The following SUPT3H variants were observed in gnomAD, a reference collection of about 807,000 sequenced individuals.
The protein encoded by SUPT3H is transcription initiation protein SPT3 homolog.
Under a neutral mutation model 44.3 loss-of-function variants are expected in SUPT3H, and 44 were observed. The ratio of observed to expected loss-of-function variants is 0.99; its 90% confidence interval spans 0.78 to 1.28. SUPT3H has a LOEUF of 1.28. SUPT3H is among the 50% of genes most tolerant of loss of function. The pLI is 0.00. For missense variants in SUPT3H, 380 were observed against 387.1 expected (o/e 0.98, Z 0.15); for synonymous variants, 124 against 125.6 (o/e 0.99, Z 0.09).
intron 2 of SUPT3H, among the ~76,000 whole-genome samples, chr6:45,156,711 C>G (rs1468198373): frequency 1.3e-5 from 2 of 151,564 alleles, no homozygotes; most frequent in East Asian, 3.9e-4. Context: ...TTTAAAATGT[C>G]CCCATTCTAT....
intron 10 of SUPT3H, among the ~76,000 whole-genome samples, chr6:44,889,347 C>T (rs530187993): frequency 4.6e-5 from 7 of 152,268 alleles, no homozygotes; most frequent in South Asian, 2.1e-4. Context: ...GGAGGCATCA[C>T]GCTACCTGAC....
chr6:45,115,917 C>A (rs1482729192), intron 2 of SUPT3H, among the ~76,000 whole-genome samples: 1 of 152,132 alleles, frequency 6.6e-6, no homozygotes, highest in Non-Finnish European at 1.5e-5. Context: ...GGAACAGACT[C>A]ATTCCAGTAA....
At chr6:45,022,127 T>C (rs778892237) in intron 3 of SUPT3H, among the ~76,000 whole-genome samples, 1 of 152,030 alleles carries the variant, frequency 6.6e-6, no homozygotes, top group Non-Finnish European at 1.5e-5. Context: ...TATATACATT[T>C]GTCTGGACAC....
In SUPT3H at chr6:45,374,137, C is replaced by T. The variant is rs75464007; in HGVS notation, c.-1+3631G>A. ...CATTTTACTGATAAGGAAATTGAGGCTCTGATATTAATAAGTTAAATACCT... is the reference window on the plus strand; with the variant it reads ...CATTTTACTGATAAGGAAATTGAGGTTCTGATATTAATAAGTTAAATACCT... On this transcript the variant is annotated intron_variant, in intron 1 of 10. Coordinates refer to ENST00000371459, the MANE Select transcript of SUPT3H (RefSeq NM_003599.4). Among the ~76,000 whole-genome samples, 535 of 152,228 alleles carry T rather than the reference C, an allele frequency of 3.5e-3. 5 individuals carry two copies. The highest frequency in any genetic ancestry group is 0.013 in the African/African-American group (521 of 41,526).
chr6:44,870,108 G>C (rs1386402234), intron 10 of SUPT3H, among the ~76,000 whole-genome samples: 1 of 152,040 alleles, frequency 6.6e-6, no homozygotes, highest in Non-Finnish European at 1.5e-5. Context: ...TTCCCAACCT[G>C]GTCCTTTTTA....
At chr6:44,994,630 G>A (rs1455043666) in intron 6 of SUPT3H, among the ~76,000 whole-genome samples, 1 of 152,138 alleles carries the variant, frequency 6.6e-6, no homozygotes, top group Non-Finnish European at 1.5e-5. Flanking sequence ...CTGGGGAGAT[G>A]TTGTGACCCA....
intron 2 of SUPT3H, among the ~76,000 whole-genome samples, chr6:45,233,918 T>C (rs1454811293): frequency 1.3e-5 from 2 of 152,170 alleles, no homozygotes; most frequent in Non-Finnish European, 2.9e-5. Flanking sequence ...TAGATGTCCT[T>C]TATTGGGATA....
At chr6:45,069,097 T>C (rs1793961132) in intron 3 of SUPT3H, among the ~76,000 whole-genome samples, 1 of 152,156 alleles carries the variant, frequency 6.6e-6, no homozygotes, top group Non-Finnish European at 1.5e-5. Context: ...AAGTACTGTA[T>C]TGAACATGTG....
chr6:45,287,563 A>G (rs868389639), intron 2 of SUPT3H, among the ~76,000 whole-genome samples: 1 of 152,152 alleles, frequency 6.6e-6, no homozygotes, highest in Admixed American at 6.6e-5. Context: ...GTATGGTCCA[A>G]TTCAAAGAAA....
intron 10 of SUPT3H, among the ~76,000 whole-genome samples, chr6:44,911,276 C>T (rs1767001851): frequency 6.6e-6 from 1 of 150,746 alleles, no homozygotes; most frequent in Non-Finnish European, 1.5e-5. Flanking sequence ...AGCATTCCCA[C>T]CACATGTTTG....
In SUPT3H at chr6:45,328,881, T is replaced by C. The variant is rs12205523; in HGVS notation, c.101+36320A>G. 0.27 allele frequency: 337,795 copies of C among 1,236,318 alleles called. 50,294 individuals are homozygous for C. Among genetic ancestry groups the C allele is most frequent in the Non-Finnish European group, 0.32 (266,041 of 840,462 alleles). 76.6% of individuals were successfully genotyped at this position (1,236,318 alleles called of 1,614,324 possible). A position where few individuals can be genotyped will look rare whatever the true frequency, so the allele number is the denominator to read the frequency against. On this transcript the variant is annotated intron_variant, in intron 2 of 10. Coordinates refer to ENST00000371459, the MANE Select transcript of SUPT3H (RefSeq NM_003599.4). Reference sequence around the variant, plus strand: ...ACTGCTAGCTTTTCCAAATAGCATATTAAAGATCCTAATTATGCTATCTTG... The same window carrying C: ...ACTGCTAGCTTTTCCAAATAGCATACTAAAGATCCTAATTATGCTATCTTG...
intron 10 of SUPT3H, among the ~76,000 whole-genome samples, chr6:44,925,796 C>T (rs1769426304): frequency 6.6e-6 from 1 of 152,142 alleles, no homozygotes; most frequent in South Asian, 2.1e-4. Flanking sequence ...ATGCTCTTTA[C>T]TTCTAACCCT....
intron 10 of SUPT3H, among the ~76,000 whole-genome samples, chr6:44,876,836 G>GGA (rs772174045): frequency 1.1e-5 from 1 of 92,240 alleles, no homozygotes; most frequent in Non-Finnish European, 2.1e-5. Context: ...ATCTTCAATT[G>GGA]AAAAAAAAAA....
intron 2 of SUPT3H, among the ~76,000 whole-genome samples, chr6:45,320,368 A>T (rs1197450197): frequency 6.6e-6 from 1 of 151,702 alleles, no homozygotes; most frequent in Non-Finnish European, 1.5e-5. Flanking sequence ...GGGTCAGGTG[A>T]TCCTCTCACC....
At chr6:45,357,113 T>C (rs1279548128) in intron 2 of SUPT3H, among the ~76,000 whole-genome samples, 1 of 151,874 alleles carries the variant, frequency 6.6e-6, no homozygotes, top group Admixed American at 6.6e-5. Context: ...TTCACGCCAT[T>C]CTCCAGTCTC....
At chr6:44,966,037 C>A (rs1183415009) in intron 6 of SUPT3H, among the ~76,000 whole-genome samples, 1 of 152,056 alleles carries the variant, frequency 6.6e-6, no homozygotes, top group East Asian at 1.9e-4. Context: ...TTTTACAAAT[C>A]CCAGGGAGAC....
At chr6:45,086,190 A>C (rs1027156444) in intron 3 of SUPT3H, among the ~76,000 whole-genome samples, 7 of 152,056 alleles carry the variant, frequency 4.6e-5, no homozygotes, top group African/African-American at 1.7e-4. Flanking sequence ...ACAAAAAATA[A>C]AATGAACAAA....
intron 10 of SUPT3H, among the ~76,000 whole-genome samples, chr6:44,906,263 AGATAG>A (rs1437761786): frequency 6.6e-6 from 1 of 152,214 alleles, no homozygotes; most frequent in African/African-American, 2.4e-5. Context: ...CAAAGAGATT[AGATAG>A]TAGTATTTAA....
intron 3 of SUPT3H, among the ~76,000 whole-genome samples, chr6:45,089,495 G>C (rs1454946657): frequency 1.3e-5 from 2 of 151,944 alleles, no homozygotes; most frequent in Non-Finnish European, 2.9e-5. Flanking sequence ...TCTCATCAGA[G>C]CTTCAAATTC....
Sources: allele counts gnomAD v4.1 joint callset (sites outside exome capture counted in the v4.1 genomes callset), GRCh38; gene constraint gnomAD v4.1.1; transcripts MANE v1.5; gene names NCBI Gene and HGNC (gene_info 2026-07-23, HGNC 2026-07-21).